The following USP9Y variants were observed in gnomAD, a reference collection of about 807,000 sequenced individuals.
USP9Y encodes the protein ubiquitin specific peptidase 9 Y-linked.
In USP9Y, 41 loss-of-function variants were observed where a neutral mutation model predicts 53.1. That is an observed-to-expected ratio of 0.77 (90% CI 0.60 to 1.00). The LOEUF is 1.00. Among genes scored for constraint, USP9Y ranks in the 50% least tolerant of loss-of-function variants. USP9Y has a pLI of 0.00. For synonymous variants in USP9Y, 220 were observed against 173.7 expected (o/e 1.27, Z -2.09); for missense variants, 567 against 535.8 (o/e 1.06, Z -0.58).
At chrY:12,845,034 G>A in intron 39 of USP9Y, among the ~76,000 whole-genome samples, 8 of 32,707 alleles carry the variant, frequency 2.4e-4, no homozygotes, top group Admixed American at 1.7e-3. Context: ...TTTATACAGT[G>A]AAGAATACAG....
At chrY:12,710,586 T>C in intron 3 of USP9Y, among the ~76,000 whole-genome samples, 1 of 32,969 alleles carries the variant, frequency 3.0e-5, no homozygotes. Flanking sequence ...GGTCTAGTTT[T>C]CGTGCAATAT....
intron 12 of USP9Y, among the ~76,000 whole-genome samples, chrY:12,740,978 C>T: frequency 1.5e-4 from 5 of 32,440 alleles, no homozygotes; most frequent in Non-Finnish European, 3.8e-4. Flanking sequence ...CTTTGGGAGA[C>T]TGAGGAGGGT....
At chrY:12,788,174 T>G (rs749767998) in intron 24 of USP9Y, among the ~76,000 whole-genome samples, 2 of 33,953 alleles carry the variant, frequency 5.9e-5, no homozygotes, top group African/African-American at 2.3e-4. Context: ...CTATAATTCC[T>G]TTCCATGGAG....
intron 15 of USP9Y, among the ~76,000 whole-genome samples, chrY:12,770,787 A>G: frequency 3.0e-5 from 1 of 33,444 alleles, no homozygotes; most frequent in Admixed American, 2.8e-4. Flanking sequence ...ATGATGGTAA[A>G]AAAATCGTAG....
chrY:12,858,351 TGA>T (rs2053579772), intron 45 of USP9Y, among the ~76,000 whole-genome samples: 1 of 32,193 alleles, frequency 3.1e-5, no homozygotes, highest in African/African-American at 1.2e-4. Flanking sequence ...TTTCTTTTTT[TGA>T]GAGAGTCTCA....
intron 26 of USP9Y, 61 bp downstream of exon 26, chrY:12,791,685 A>C (rs760271581): frequency 3.3e-6 from 1 of 304,346 alleles, no homozygotes; most frequent in African/African-American, 7.1e-5. Context: ...CATGTGATTA[A>C]ATTTTCATCA....
In USP9Y at chrY:12,786,819, C is replaced by A; in HGVS notation, c.3561+19C>A. On this transcript the variant is annotated intron_variant, in intron 24 of 45. Coordinates refer to ENST00000338981, the MANE Select transcript of USP9Y (RefSeq NM_004654.4). ...AACACAGGTAATAAATGTTAAGAAACTTTTAAAAATATTTAGTCCTTACTA... is the reference window on the plus strand; with the variant it reads ...AACACAGGTAATAAATGTTAAGAAAATTTTAAAAATATTTAGTCCTTACTA... 5.3e-6 allele frequency: 2 copies of A among 380,395 alleles called. No individual in the cohort carries two copies. The highest frequency in any genetic ancestry group is 6.3e-5 in the South Asian group (2 of 31,900). 94.9% of individuals were successfully genotyped at this position (380,395 alleles called of 400,897 possible).
intron 27 of USP9Y, among the ~76,000 whole-genome samples, chrY:12,800,797 T>C (rs2053518439): frequency 3.0e-5 from 1 of 33,278 alleles, no homozygotes; most frequent in Non-Finnish European, 7.4e-5. Context: ...AAAAACTCAG[T>C]TGTATGTAAG....
intron 24 of USP9Y, among the ~76,000 whole-genome samples, chrY:12,787,994 T>C: frequency 5.9e-5 from 2 of 33,977 alleles, no homozygotes; most frequent in African/African-American, 2.3e-4. Flanking sequence ...CTTTAAAATA[T>C]GTTTAATGTA....
At chrY:12,716,045 T>C in intron 3 of USP9Y, among the ~76,000 whole-genome samples, 2 of 33,793 alleles carry the variant, frequency 5.9e-5, no homozygotes, top group Non-Finnish European at 1.5e-4. Flanking sequence ...TGTGCTCGCT[T>C]TTGCTTTAAT....
intron 3 of USP9Y, among the ~76,000 whole-genome samples, chrY:12,710,705 T>C: frequency 3.0e-5 from 1 of 33,571 alleles, no homozygotes; most frequent in South Asian, 6.5e-4. Flanking sequence ...TTGATATATT[T>C]GAGAGAATTT....
intron 22 of USP9Y, among the ~76,000 whole-genome samples, chrY:12,781,795 A>T (rs904965336): frequency 3.0e-5 from 1 of 33,434 alleles, no homozygotes; most frequent in Non-Finnish European, 7.4e-5. Flanking sequence ...CTTCACTTCT[A>T]ATTCTAGTTC....
chrY:12,703,064 T>C, intron 1 of USP9Y, among the ~76,000 whole-genome samples: 1 of 32,284 alleles, frequency 3.1e-5, no homozygotes, highest in African/African-American at 1.2e-4. Context: ...CTTTGTCTTA[T>C]ATGACTTTTT....
At position 12,821,235 on chromosome Y, in the gene USP9Y, A is replaced by G. The variant is rs769078938; in HGVS notation, c.5021+2625A>G. 1.1e-3 allele frequency among the ~76,000 whole-genome samples: 36 copies of G among 33,407 alleles called. No homozygotes were observed. The South Asian group carries it at 0.02, about 19-fold the overall frequency. The allele number at this position is 33,407 out of a possible 37,273, so 89.6% of individuals were successfully genotyped here. A position where few individuals can be genotyped will look rare whatever the true frequency, so the allele number is the denominator to read the frequency against. On this transcript the variant is annotated intron_variant, in intron 33 of 45. Coordinates refer to ENST00000338981, the MANE Select transcript of USP9Y (RefSeq NM_004654.4). ...AACAAAAAATTACTTTTCTCTCTAT[A>G]TAGGTTTGCATATTTTTGATATTTC...
In USP9Y at chrY:12,790,500, T is replaced by C. The variant is rs2053506708; in HGVS notation, c.3655T>C (p.Ser1219Pro). The C allele has an allele frequency of 2.5e-6, 1 of 394,058 alleles. No homozygotes were observed. Among genetic ancestry groups the C allele is most frequent in the Admixed American group, 7.7e-5 (1 of 13,063 alleles). ...ATCCGAGTGCGTACTTAGAAATGAG[T>C]CCATACTTCTTGCTCAGGAAATATC... ...PSSECVLRNE[S>P]ILLAQEISNE... The change falls in exon 25 of 46, where the codon TCC becomes CCC. Residue 1219 changes from serine (S) to proline (P), a missense_variant. By Grantham distance (74) the Ser-to-Pro change is moderately conservative (BLOSUM62 -1). Coordinates refer to ENST00000338981, the MANE Select transcript of USP9Y (RefSeq NM_004654.4).
intron 35 of USP9Y, among the ~76,000 whole-genome samples, chrY:12,838,388 A>C (rs767746867): frequency 2.9e-5 from 1 of 33,970 alleles, no homozygotes; most frequent in East Asian, 7.6e-4. Context: ...TTCTTACTCT[A>C]GTTTCCTCTT....
intron 35 of USP9Y, 43 bp downstream of exon 35, chrY:12,838,095 G>A (rs760040960): frequency 3.5e-6 from 1 of 284,069 alleles, no homozygotes; most frequent in Non-Finnish European, 5.3e-6. Context: ...GCATTGAACA[G>A]AATAGGAGGA....
intron 6 of USP9Y, among the ~76,000 whole-genome samples, 158 bp downstream of exon 6, chrY:12,725,383 C>T (rs2053441230): frequency 3.0e-5 from 1 of 33,454 alleles, no homozygotes; most frequent in Non-Finnish European, 7.4e-5. Flanking sequence ...AATGAGCTTG[C>T]GGTTTTGATT....
At chrY:12,767,418 C>T in intron 15 of USP9Y, among the ~76,000 whole-genome samples, 1 of 33,362 alleles carries the variant, frequency 3.0e-5, no homozygotes, top group Non-Finnish European at 7.4e-5. Context: ...ACTCCTACAC[C>T]TTTTGCTTTA....
Sources: gnomAD v4.1 joint callset for allele counts (sites outside exome capture counted in the v4.1 genomes callset) on GRCh38, gnomAD v4.1.1 for gene constraint, MANE v1.5 for transcripts, NCBI Gene and HGNC (gene_info 2026-07-23, HGNC 2026-07-21) for gene names.